DCLK2: variants seen among roughly 807,000 people sequenced by gnomAD.
DCLK2 encodes the protein doublecortin like kinase 2, also known as serine/threonine-protein kinase DCLK2.
A neutral mutation model predicts 78.4 loss-of-function variants in DCLK2; 31 were observed. The ratio of observed to expected loss-of-function variants is 0.40; its 90% CI spans 0.30 to 0.53. The LOEUF is 0.53. Ranked by LOEUF, DCLK2 falls within the 20% of genes least tolerant of loss-of-function variation. The pLI is 0.61. For synonymous variants in DCLK2, 407 were observed against 374.9 expected, an observed-to-expected ratio of 1.09 and a Z score of -0.99; for missense variants, 872 against 973.7, an observed-to-expected ratio of 0.90 and a Z score of 1.39.
chr4:150,206,849 T>C (rs1296769432), intron 5 of DCLK2, among the ~76,000 whole-genome samples: 4 of 152,214 alleles, frequency 2.6e-5, no homozygotes, highest in African/African-American at 9.7e-5. Context: ...ATCTGTAGTA[T>C]ATATTGTCAT....
At position 150,127,230 on chromosome 4, in the gene DCLK2, T is replaced by C. The variant is rs572345197; in HGVS notation, c.756+24418T>C. 8.5e-5 allele frequency among the ~76,000 whole-genome samples: 13 copies of C among 152,288 alleles called. No homozygotes were observed. In the South Asian group the frequency reaches 2.7e-3, roughly 32 times the overall value. On this transcript the variant is annotated intron_variant, in intron 2 of 15. Coordinates refer to ENST00000296550, the MANE Select transcript of DCLK2 (RefSeq NM_001040260.4). ...ATCTTGCAGGGAAATACTTTGAGAG[T>C]GTGCAATACCTTGTTTCTCATCATA...
chr4:150,197,867 C>G, intron 3 of DCLK2, 135 bp from the exon 4 acceptor site: 1 of 588,978 alleles, frequency 1.7e-6, no homozygotes, highest in Middle Eastern at 3.2e-4. Flanking sequence ...GGGACAATTG[C>G]TTTGTATGTT....
At chr4:150,253,105 C>T (rs902554149) in intron 15 of DCLK2, among the ~76,000 whole-genome samples, 1 of 96,074 alleles carries the variant, frequency 1.0e-5, no homozygotes, top group African/African-American at 3.2e-5. Context: ...TCGTCCTCCT[C>T]ATCCTCCTCA....
chr4:150,118,039 G>A (rs1732231202), intron 2 of DCLK2, among the ~76,000 whole-genome samples: 1 of 152,030 alleles, frequency 6.6e-6, no homozygotes, highest in Admixed American at 6.6e-5. Context: ...TACCTATTCA[G>A]AATTACACAA....
intron 15 of DCLK2, chr4:150,253,464 T>C (rs939647109): frequency 7.8e-7 from 1 of 1,289,564 alleles, no homozygotes; most frequent in African/African-American, 1.5e-5. Context: ...ATCTGCATTT[T>C]GTTTGACAGT....
chr4:150,116,299 T>TA (rs1174391340), intron 2 of DCLK2, among the ~76,000 whole-genome samples: 1 of 152,116 alleles, frequency 6.6e-6, no homozygotes, highest in Non-Finnish European at 1.5e-5. Flanking sequence ...GAAGAAGCAC[T>TA]CCCTTCTCCA....
chr4:150,178,200 T>C (rs924929083), intron 2 of DCLK2, among the ~76,000 whole-genome samples: 1 of 152,218 alleles, frequency 6.6e-6, no homozygotes, highest in East Asian at 1.9e-4. Flanking sequence ...AGAGTAGGCA[T>C]TGATAAGCCA....
intron 8 of DCLK2, 61 bp downstream of exon 8, chr4:150,224,619 T>G: frequency 1.4e-6 from 2 of 1,434,012 alleles, no homozygotes; most frequent in East Asian, 4.6e-5. Context: ...AGGTGTTTAC[T>G]GTGATGAAGG....
At chr4:150,177,295 A>G (rs1278647817) in intron 2 of DCLK2, among the ~76,000 whole-genome samples, 1 of 152,178 alleles carries the variant, frequency 6.6e-6, no homozygotes, top group East Asian at 1.9e-4. Context: ...TAGTTATTTT[A>G]AAATGCTTTT....
At chr4:150,174,598 C>T (rs1039934345) in intron 2 of DCLK2, among the ~76,000 whole-genome samples, 4 of 151,752 alleles carry the variant, frequency 2.6e-5, no homozygotes, top group Admixed American at 6.6e-5. Flanking sequence ...CCGAGGCAGG[C>T]GGATCACGAG....
chr4:150,106,620 A>G (rs892602377), intron 2 of DCLK2, among the ~76,000 whole-genome samples: 1 of 152,256 alleles, frequency 6.6e-6, no homozygotes, highest in East Asian at 1.9e-4. Context: ...GATAGAAATT[A>G]AATAACTTTT....
At chr4:150,151,969 T>C (rs185889926) in intron 2 of DCLK2, among the ~76,000 whole-genome samples, 20 of 152,272 alleles carry the variant, frequency 1.3e-4, no homozygotes, top group Admixed American at 1.0e-3. Context: ...GGTTAAAATG[T>C]AAAGACCACA....
intron 2 of DCLK2, among the ~76,000 whole-genome samples, chr4:150,127,832 T>C (rs1293868826): frequency 6.6e-6 from 1 of 152,210 alleles, no homozygotes; most frequent in Non-Finnish European, 1.5e-5. Context: ...TGGTTGGTTA[T>C]TGCCCAGTAT....
chr4:150,154,369 A>T (rs971343000), intron 2 of DCLK2, among the ~76,000 whole-genome samples: 3 of 152,308 alleles, frequency 2.0e-5, no homozygotes, highest in Non-Finnish European at 4.4e-5. Context: ...CTTGCTATGT[A>T]TTAGGTATGC....
At chr4:150,157,539 G>T (rs1735398504) in intron 2 of DCLK2, among the ~76,000 whole-genome samples, 1 of 144,638 alleles carries the variant, frequency 6.9e-6, no homozygotes. Flanking sequence ...TTGAGCTGGA[G>T]TCTCTCTCTC....
rs146012940 is a variant in DCLK2 at position 150,223,676 on chromosome 4, G to A, written c.1242-825G>A. 4.5e-3 allele frequency among the ~76,000 whole-genome samples: 685 copies of A among 152,082 alleles called. 9 individuals are homozygous for A. Among genetic ancestry groups the A allele is most frequent in the African/African-American group, 0.016 (649 of 41,474 alleles). ...ACAGAATTGCTTGAACCTGGGAGGC[G>A]GAGGATGCAGTGAGCCAAGATTGCG... On this transcript the variant is annotated intron_variant, in intron 7 of 15. Transcript: ENST00000296550.
chr4:150,119,824 A>G (rs1222278127), intron 2 of DCLK2, among the ~76,000 whole-genome samples: 1 of 152,142 alleles, frequency 6.6e-6, no homozygotes, highest in African/African-American at 2.4e-5. Context: ...TTAATCTTGA[A>G]CTAAAAGACC....
At chr4:150,238,391 C>T (rs1468888288) in intron 10 of DCLK2, among the ~76,000 whole-genome samples, 2 of 152,106 alleles carry the variant, frequency 1.3e-5, no homozygotes, top group Non-Finnish European at 2.9e-5. Context: ...AGATTAGCGT[C>T]CTTATATATA....
chr4:150,226,343 A>G (rs549636128), intron 8 of DCLK2, among the ~76,000 whole-genome samples: 2 of 151,870 alleles, frequency 1.3e-5, no homozygotes, highest in South Asian at 4.1e-4. Flanking sequence ...TCTTTAAATA[A>G]TTTGATATGC....
Sources: gnomAD v4.1 joint callset for allele counts (sites outside exome capture counted in the v4.1 genomes callset) on GRCh38, gnomAD v4.1.1 for gene constraint, MANE v1.5 for transcripts, NCBI Gene and HGNC (gene_info 2026-07-23, HGNC 2026-07-21) for gene names.